Variants in CACNA1E observed in about 807,000 individuals in gnomAD.
CACNA1E encodes the protein voltage-dependent R-type calcium channel subunit alpha-1E.
A neutral mutation model predicts 259.2 loss-of-function variants in CACNA1E; 40 were observed. That is an observed-to-expected ratio of 0.15 (90% CI 0.12 to 0.20). CACNA1E has a LOEUF of 0.20. Ranked by LOEUF, CACNA1E falls within the 10% of genes least tolerant of loss-of-function variation. CACNA1E has a pLI of 1.00. For synonymous variants in CACNA1E, 1,104 were observed against 1,138.5 expected (o/e 0.97, Z 0.61); for missense variants, 1,874 against 3,040.1 (o/e 0.62, Z 9.02).
intron 7 of CACNA1E, among the ~76,000 whole-genome samples, chr1:181,654,566 G>A (rs572856590): frequency 6.6e-6 from 1 of 152,162 alleles, no homozygotes; most frequent in Non-Finnish European, 1.5e-5. Context: ...AGGCAACGTG[G>A]ATGTCCATAA....
intron 3 of CACNA1E, among the ~76,000 whole-genome samples, chr1:181,524,118 A>C (rs1183391926): frequency 1.3e-5 from 2 of 152,162 alleles, no homozygotes; most frequent in African/African-American, 4.8e-5. Context: ...ATGCAGAGCC[A>C]TTTCTCAGGC....
At chr1:181,360,949 T>C (rs61813937) in intron 1 of CACNA1E, among the ~76,000 whole-genome samples, 21,732 of 152,128 alleles carry the variant, frequency 0.14, 1,999 homozygotes, top group African/African-American at 0.26. Flanking sequence ...CTCAGATCCC[T>C]TAAACCTGTG....
chr1:181,429,864 G>A (rs987000349), intron 2 of CACNA1E, among the ~76,000 whole-genome samples: 4 of 152,186 alleles, frequency 2.6e-5, no homozygotes, highest in African/African-American at 9.7e-5. Context: ...GTATATAGAT[G>A]TATATATTTT....
rs555472304 is a variant in CACNA1E, at chr1:181,518,093, G to C, written c.512+6583G>C. Reference sequence around the variant, plus strand: ...ATGGGGAGCAAGGGCAGAATGGGTAGAGGGAGGAGACATGAGAACTTGTTA... The same window carrying C: ...ATGGGGAGCAAGGGCAGAATGGGTACAGGGAGGAGACATGAGAACTTGTTA... On this transcript the variant is annotated intron_variant, in intron 3 of 47. Coordinates refer to ENST00000367573, the MANE Select transcript of CACNA1E (RefSeq NM_001205293.3). 2.0e-5 allele frequency among the ~76,000 whole-genome samples: 3 copies of C among 152,292 alleles called. No homozygotes were observed. The South Asian group carries it at 6.2e-4, about 32-fold the overall frequency.
chr1:181,339,481 C>T (rs1428157059), intron 1 of CACNA1E, among the ~76,000 whole-genome samples: 1 of 152,098 alleles, frequency 6.6e-6, no homozygotes, highest in Non-Finnish European at 1.5e-5. Flanking sequence ...TGTGTCAGAA[C>T]TTCCTTCCTT....
chr1:181,497,464 A>G (rs1327032151), intron 1 of CACNA1E, among the ~76,000 whole-genome samples: 1 of 152,216 alleles, frequency 6.6e-6, no homozygotes, highest in East Asian at 1.9e-4. Flanking sequence ...ACCTCCCTCC[A>G]GGCCTGGAGA....
chr1:181,757,195 A>G, intron 30 of CACNA1E, 69 bp downstream of exon 30: 1 of 1,060,202 alleles, frequency 9.4e-7, no homozygotes, highest in Non-Finnish European at 1.4e-6. Context: ...CAGCAATGTA[A>G]GAAAGGAGGA....
At chr1:181,752,772 G>C (rs1431203850) in intron 27 of CACNA1E, among the ~76,000 whole-genome samples, 1 of 152,218 alleles carries the variant, frequency 6.6e-6, no homozygotes, top group Non-Finnish European at 1.5e-5. Flanking sequence ...AGAAGAAATG[G>C]GAAGTGAGCT....
intron 1 of CACNA1E, among the ~76,000 whole-genome samples, chr1:181,387,244 C>T (rs1268476484): frequency 6.6e-6 from 1 of 152,164 alleles, no homozygotes; most frequent in East Asian, 1.9e-4. Flanking sequence ...AAGGCAGGCA[C>T]CTGTCACCAC....
intron 3 of CACNA1E, among the ~76,000 whole-genome samples, chr1:181,570,273 G>GA (rs1173618146): frequency 6.6e-6 from 1 of 151,950 alleles, no homozygotes; most frequent in East Asian, 1.9e-4. Context: ...GCTCACCTTG[G>GA]AAGTGGTAGG....
At chr1:181,321,049 GGAGAAGCAAGA>G (rs1650302455) in intron 1 of CACNA1E, among the ~76,000 whole-genome samples, 2 of 152,070 alleles carry the variant, frequency 1.3e-5, no homozygotes, top group Admixed American at 1.3e-4. Context: ...ACAAGATGAG[GGAGAAGCAAGA>G]GAGAAGCAAG....
intron 7 of CACNA1E, among the ~76,000 whole-genome samples, chr1:181,695,948 C>T (rs1440313948): frequency 6.6e-6 from 1 of 152,160 alleles, no homozygotes; most frequent in Non-Finnish European, 1.5e-5. Context: ...GAGCTAGACC[C>T]TGTCTCTAAT....
At chr1:181,747,071 A>AGTGAG (rs1657154769) in intron 25 of CACNA1E, among the ~76,000 whole-genome samples, 1 of 152,278 alleles carries the variant, frequency 6.6e-6, no homozygotes, top group African/African-American at 2.4e-5. Context: ...CAGACACATT[A>AGTGAG]GTGAGACACT....
chr1:181,764,657 C>T (rs1486537690), intron 34 of CACNA1E, among the ~76,000 whole-genome samples: 1 of 152,174 alleles, frequency 6.6e-6, no homozygotes, highest in Admixed American at 6.5e-5. Flanking sequence ...TCCCACGAGG[C>T]CTCACTTCAA....
At chr1:181,409,291 T>G (rs998260101) in intron 1 of CACNA1E, among the ~76,000 whole-genome samples, 2 of 152,248 alleles carry the variant, frequency 1.3e-5, no homozygotes, top group Non-Finnish European at 2.9e-5. Context: ...TTGCAGTGTT[T>G]GCCAATCCTT....
intron 25 of CACNA1E, among the ~76,000 whole-genome samples, chr1:181,740,019 G>A (rs1304906124): frequency 4.6e-5 from 7 of 152,124 alleles, no homozygotes; most frequent in African/African-American, 7.2e-5. Context: ...TGCTTTCAGG[G>A]CCTTTTTCCT....
In CACNA1E at chr1:181,522,920, T is replaced by C. The variant is rs138475377; in HGVS notation, c.512+11410T>C. Among the ~76,000 whole-genome samples, 5 of 152,340 alleles carry C rather than the reference T, an allele frequency of 3.3e-5. No homozygotes were observed. The East Asian group carries it at 9.6e-4, about 29-fold the overall frequency. ...GCCAGCTCTTTAACGTGTTAGCTTC[T>C]TCCTCCCTGCTCTTCTGTTGTCCTT... On this transcript the variant is annotated intron_variant, in intron 3 of 47. Coordinates refer to ENST00000367573, the MANE Select transcript of CACNA1E (RefSeq NM_001205293.3).
intron 5 of CACNA1E, among the ~76,000 whole-genome samples, chr1:181,579,756 T>C (rs1651334198): frequency 6.6e-6 from 1 of 152,248 alleles, no homozygotes; most frequent in Non-Finnish European, 1.5e-5. Flanking sequence ...TAGTGGCCTC[T>C]CTGGCCCACA....
At chr1:181,620,622 T>C (rs965611676) in intron 6 of CACNA1E, among the ~76,000 whole-genome samples, 16 of 152,166 alleles carry the variant, frequency 1.1e-4, no homozygotes, top group African/African-American at 3.9e-4. Context: ...TGGTTGGTAA[T>C]GGAGGTGCAA....
Sources: allele counts gnomAD v4.1 joint callset (sites outside exome capture counted in the v4.1 genomes callset), GRCh38; gene constraint gnomAD v4.1.1; transcripts MANE v1.5; gene names NCBI Gene and HGNC (gene_info 2026-07-23, HGNC 2026-07-21).